Variants in RHBDL3 observed in about 807,000 individuals in gnomAD.
RHBDL3 encodes the protein rhomboid like 3, also known as rhomboid-related protein 3.
In RHBDL3, 28 loss-of-function variants were observed where a neutral mutation model predicts 48.2. The ratio of observed to expected loss-of-function variants is 0.58; its 90% CI spans 0.43 to 0.80. RHBDL3 has a LOEUF of 0.80. Among genes scored for constraint, RHBDL3 ranks in the 30% least tolerant of loss-of-function variants. The pLI, the probability that RHBDL3 is intolerant of heterozygous loss-of-function variation, is 0.00. For missense variants in RHBDL3, 464 were observed against 542.7 expected, an observed-to-expected ratio of 0.85 and a Z score of 1.44; for synonymous variants, 208 against 232.3, an observed-to-expected ratio of 0.90 and a Z score of 0.95.
chr17:32,321,369 T>C lies in RHBDL3; in HGVS notation c.*140T>C, dbSNP rs371423533. On this transcript the variant is annotated 3_prime_UTR_variant, in exon 9 of 9. Coordinates refer to ENST00000269051, the MANE Select transcript of RHBDL3 (RefSeq NM_138328.3). ...TCTGGGCCACTGTAATGTTTGTGTT[T>C]AGATTTGGACACACAGTGGAGACCC... 5.8e-5 allele frequency: 90 copies of C among 1,540,544 alleles called. No individual in the cohort carries two copies. The African/African-American group carries it at 1.0e-3, about 18-fold the overall frequency.
intron 8 of RHBDL3, 53 bp from the exon 9 acceptor site, chr17:32,320,905 C>T: frequency 7.4e-7 from 1 of 1,348,766 alleles, no homozygotes; most frequent in Non-Finnish European, 1.0e-6. Flanking sequence ...TGAAGGCCCT[C>T]AGCCCCTGCT....
chr17:32,282,559 C>T (rs2040078257), intron 2 of RHBDL3, among the ~76,000 whole-genome samples: 1 of 152,120 alleles, frequency 6.6e-6, no homozygotes, highest in South Asian at 2.1e-4. Context: ...AGAGTGAGAT[C>T]CTGTCTAAAA....
intron 6 of RHBDL3, among the ~76,000 whole-genome samples, chr17:32,300,384 C>T (rs1434967120): frequency 6.6e-6 from 1 of 151,956 alleles, no homozygotes; most frequent in East Asian, 1.9e-4. Context: ...CCTGTCTCTA[C>T]AAAAAGTTTT....
intron 2 of RHBDL3, 110 bp downstream of exon 2, chr17:32,268,035 G>T (rs1323863206): frequency 2.4e-6 from 2 of 850,056 alleles, no homozygotes; most frequent in Non-Finnish European, 2.1e-6. Context: ...TGGTGACGTG[G>T]GGTGGGGGTG....
At position 32,314,914 on chromosome 17, in the gene RHBDL3, G is replaced by A. The variant is rs549888114; in HGVS notation, c.883-1318G>A. Among the ~76,000 whole-genome samples, 6 of 152,312 alleles carry A rather than the reference G, an allele frequency of 3.9e-5. No homozygotes were observed. The East Asian group carries it at 9.7e-4, about 25-fold the overall frequency. ...TCTGCTTCCTAGCATGGAACATGTC[G>A]GCAAGCGAAGACAGGCTTTCCACCT... On this transcript the variant is annotated intron_variant, in intron 7 of 8. Transcript: ENST00000269051.
intron 3 of RHBDL3, 97 bp downstream of exon 3, chr17:32,284,914 G>T: frequency 9.0e-7 from 1 of 1,116,322 alleles, no homozygotes; most frequent in Non-Finnish European, 1.3e-6. Context: ...GGATCTGTTG[G>T]CCTGCAGCAT....
rs376591114 is a variant in RHBDL3, at chr17:32,298,221, C to T, written c.781+17C>T. ...TTGTGGCAGGTAGGCAGGTAGGCCC[C>T]GTGTCCACAAAGGCACACTGCCCCA... On this transcript the variant is annotated intron_variant, in intron 6 of 8. Transcript: ENST00000269051. 1.9e-5 allele frequency: 29 copies of T among 1,564,578 alleles called. No homozygotes were observed. The South Asian group carries it at 2.6e-4, about 14-fold the overall frequency.
intron 8 of RHBDL3, 48 bp from the exon 9 acceptor site, chr17:32,320,910 C>G (rs2041113052): frequency 7.1e-7 from 1 of 1,418,368 alleles, no homozygotes; most frequent in Non-Finnish European, 9.9e-7. Context: ...GCCCTCAGCC[C>G]CTGCTCAGGG....
In RHBDL3 at chr17:32,321,486, G is replaced by A; in HGVS notation, c.*257G>A. The A allele has an allele frequency of 1.0e-6, 1 of 996,938 alleles. No individual in the cohort carries two copies. Among genetic ancestry groups the A allele is most frequent in the Non-Finnish European group, 1.4e-6 (1 of 696,474 alleles). The allele number at this position is 996,938 out of a possible 1,614,324, so 61.8% of individuals were successfully genotyped here. ...ACATCGGGCCAGGGTGAAGGTCTGG[G>A]GTGGGGTGTGAGAGTGGCCCTCCCT... On this transcript the variant is annotated 3_prime_UTR_variant, in exon 9 of 9. Transcript: ENST00000269051.
chr17:32,275,540 G>C (rs1013864111), intron 2 of RHBDL3, among the ~76,000 whole-genome samples: 1 of 150,844 alleles, frequency 6.6e-6, no homozygotes, highest in Admixed American at 6.6e-5. Flanking sequence ...AGCTGCATGC[G>C]TTCCAGGGAA....
intron 4 of RHBDL3, among the ~76,000 whole-genome samples, chr17:32,289,902 T>C (rs1420337845): frequency 1.3e-5 from 2 of 152,248 alleles, no homozygotes; most frequent in Middle Eastern, 3.2e-3. Flanking sequence ...CATCCTTCTT[T>C]TCTTCTAAGT....
intron 2 of RHBDL3, among the ~76,000 whole-genome samples, chr17:32,278,048 A>G (rs2039954919): frequency 6.6e-6 from 1 of 152,194 alleles, no homozygotes; most frequent in African/African-American, 2.4e-5. Flanking sequence ...CTGTAATCCC[A>G]GCACTTTGGG....
At chr17:32,310,954 C>G (rs1042019592) in intron 7 of RHBDL3, among the ~76,000 whole-genome samples, 1 of 151,042 alleles carries the variant, frequency 6.6e-6, no homozygotes, top group Admixed American at 6.6e-5. Flanking sequence ...AATCAACTCC[C>G]TAATTTATCT....
intron 3 of RHBDL3, among the ~76,000 whole-genome samples, chr17:32,287,009 G>A (rs1054384531): frequency 6.6e-5 from 10 of 152,208 alleles, no homozygotes; most frequent in Admixed American, 2.0e-4. Flanking sequence ...ATGAGTACCC[G>A]GGGAAACTAC....
At chr17:32,316,914 C>T (rs1453044761) in intron 8 of RHBDL3, among the ~76,000 whole-genome samples, 1 of 151,600 alleles carries the variant, frequency 6.6e-6, no homozygotes, top group Non-Finnish European at 1.5e-5. Flanking sequence ...CCCTGTCACC[C>T]AGGCTAGAGT....
intron 7 of RHBDL3, 93 bp from the exon 8 acceptor site, chr17:32,316,139 G>C (rs2040967313): frequency 1.1e-6 from 1 of 880,494 alleles, no homozygotes; most frequent in African/African-American, 1.7e-5. Flanking sequence ...ACTTCACGGA[G>C]ATCCTTATTT....
At chr17:32,297,589 C>G (rs2040481700) in intron 5 of RHBDL3, among the ~76,000 whole-genome samples, 1 of 148,676 alleles carries the variant, frequency 6.7e-6, no homozygotes. Flanking sequence ...TGGCCACTAA[C>G]TGTGGCTGGT....
Position 32,294,301 on chromosome 17 carries a change from T to C in RHBDL3, c.527T>C (p.Phe176Ser). ...MITVTLLEVA[F>S]FLYNGVSLGQ... ...TCTCTCTCTTCTGTCCAGGTTGCCT[T>C]TTTCCTCTACAATGGGGTGTCACTA... is the stretch of plus-strand genomic sequence containing the variant. Residue 176 changes from phenylalanine (F) to serine (S), a missense_variant, in exon 5 of 9, where the codon TTT becomes TCT. Transcript: ENST00000269051. The C allele has an allele frequency of 6.2e-7, 1 of 1,613,752 alleles. No homozygotes were observed. Among genetic ancestry groups the C allele is most frequent in the East Asian group, 2.2e-5 (1 of 44,856 alleles).
chr17:32,266,695 C>T (rs936531390), intron 1 of RHBDL3, among the ~76,000 whole-genome samples: 4 of 152,328 alleles, frequency 2.6e-5, no homozygotes, highest in Non-Finnish European at 4.4e-5. Flanking sequence ...GGAGCGGACG[C>T]CGCAGAGTCC....
Sources: allele counts gnomAD v4.1 joint callset (sites outside exome capture counted in the v4.1 genomes callset), GRCh38; gene constraint gnomAD v4.1.1; transcripts MANE v1.5; gene names NCBI Gene and HGNC (gene_info 2026-07-23, HGNC 2026-07-21).